PDXDC1: variants seen among roughly 807,000 people sequenced by gnomAD.
PDXDC1 encodes pyridoxal dependent decarboxylase domain containing 1.
Under a neutral mutation model 100.1 loss-of-function variants are expected in PDXDC1, and 42 were observed. The ratio of observed to expected loss-of-function variants is 0.42; its 90% CI spans 0.33 to 0.54. PDXDC1 has a LOEUF of 0.54. Among genes scored for constraint, PDXDC1 ranks in the 20% least tolerant of loss-of-function variants. The probability of loss-of-function intolerance (pLI) is 0.10; values close to 1 mark genes in which losing one functional copy is unlikely to be tolerated. For synonymous variants in PDXDC1, 260 were observed against 371.7 expected (o/e 0.70, Z 3.46); for missense variants, 636 against 979.2 (o/e 0.65, Z 4.68).
chr16:15,071,778 C>G (rs1470749079), intron 16 of PDXDC1, among the ~76,000 whole-genome samples: 1 of 152,080 alleles, frequency 6.6e-6, no homozygotes, highest in Admixed American at 6.6e-5. Context: ...AAAAAACAAA[C>G]AAACAAAAAA....
chr16:15,035,683 C>T, intron 22 of PDXDC1, 130 bp downstream of exon 22: 2 of 605,138 alleles, frequency 3.3e-6, no homozygotes, highest in Non-Finnish European at 5.8e-6. Flanking sequence ...ATCTCTTTAA[C>T]CATCTTGGTA....
chr16:15,001,630 A>G (rs550812227), intron 3 of PDXDC1, 146 bp from the exon 4 acceptor site: 4 of 529,164 alleles, frequency 7.6e-6, no homozygotes, highest in South Asian at 4.2e-5. Flanking sequence ...AAAAGCATAA[A>G]CTATATACCA....
At position 15,029,939 on chromosome 16, in the gene PDXDC1, T is replaced by G. The variant is rs1400959741; in HGVS notation, c.1294-12T>G. The G allele has an allele frequency of 6.4e-7, 1 of 1,550,564 alleles. No homozygotes were observed. The highest frequency in any genetic ancestry group is 1.4e-5 in the African/African-American group (1 of 73,038). Reference sequence around the variant, plus strand: ...TTGTTACAGGAGGGTGTTCATTGTGTCCTCCTCACAGCTGGGAGAACAGCT... The same window carrying G: ...TTGTTACAGGAGGGTGTTCATTGTGGCCTCCTCACAGCTGGGAGAACAGCT... On this transcript the variant is annotated splice_polypyrimidine_tract_variant and intron_variant, in intron 15 of 22. Transcript: ENST00000396410.
intron 16 of PDXDC1, among the ~76,000 whole-genome samples, chr16:15,122,800 C>A (rs1239834637): frequency 1.3e-5 from 1 of 77,120 alleles, no homozygotes; most frequent in Non-Finnish European, 2.5e-5. Flanking sequence ...GGGACGGGGA[C>A]TGGGCGGGAT....
intron 16 of PDXDC1, among the ~76,000 whole-genome samples, chr16:15,079,398 C>T (rs1296960589): frequency 4.6e-5 from 7 of 152,162 alleles, no homozygotes; most frequent in Non-Finnish European, 7.3e-5. Context: ...CCTTCCTGAC[C>T]CCACTGTGAT....
intron 16 of PDXDC1, among the ~76,000 whole-genome samples, chr16:15,088,006 C>A (rs1006315027): frequency 1.3e-5 from 2 of 151,888 alleles, no homozygotes; most frequent in Admixed American, 6.6e-5. Context: ...CCCAGCTACT[C>A]GGGAGGCTGA....
chr16:15,132,831 G>A (rs2048171266), intron 16 of PDXDC1: 17 of 1,551,238 alleles, frequency 1.1e-5, no homozygotes, highest in Middle Eastern at 4.6e-4. Context: ...CGGCGCTGCC[G>A]CTCGTGCTTG....
chr16:15,051,805 A>G (rs1435773581), intron 16 of PDXDC1, among the ~76,000 whole-genome samples: 2 of 150,436 alleles, frequency 1.3e-5, no homozygotes, highest in African/African-American at 2.5e-5. Context: ...GGCTCAAGCA[A>G]TCCTCCCACC....
intron 16 of PDXDC1, chr16:15,055,915 G>A (rs1597833258): frequency 3.2e-6 from 4 of 1,232,378 alleles, no homozygotes; most frequent in Non-Finnish European, 4.1e-6. Flanking sequence ...GGGCTCGGAC[G>A]AGGTCCCCGG....
chr16:15,043,924 G>A (rs2043938218), intron 16 of PDXDC1, among the ~76,000 whole-genome samples: 1 of 151,766 alleles, frequency 6.6e-6, no homozygotes, highest in Non-Finnish European at 1.5e-5. Context: ...CTCCAACTTG[G>A]GCAACAGAGC....
At chr16:15,079,515 T>C (rs1437622110) in intron 16 of PDXDC1, among the ~76,000 whole-genome samples, 1 of 152,158 alleles carries the variant, frequency 6.6e-6, no homozygotes, top group Non-Finnish European at 1.5e-5. Context: ...TCTCCAATCA[T>C]GAGAAGGAAC....
intron 6 of PDXDC1, among the ~76,000 whole-genome samples, chr16:15,006,874 C>T (rs1207094204): frequency 6.6e-6 from 1 of 152,298 alleles, no homozygotes. Flanking sequence ...ATTGTTAAAA[C>T]AGGAATATAT....
Position 15,033,326 on chromosome 16 carries a change from G to C in PDXDC1, c.1739G>C (p.Ser580Thr), listed in dbSNP as rs777429712. 6.2e-7 allele frequency: 1 copy of C among 1,614,176 alleles called. No homozygotes were observed. The highest frequency in any genetic ancestry group is 2.2e-5 in the East Asian group (1 of 44,890). ...AGCTGCCTTTATGTCGGCATGGCGA[G>C]CGACAACGTCGATGCTGCTGAGCTC... Reference protein sequence around the residue: ...MKSCLYVGMASDNVDAAELVE... With the variant: ...MKSCLYVGMATDNVDAAELVE... The change falls in exon 19 of 23, where the codon AGC becomes ACC. Residue 580 changes from serine to threonine, a missense_variant. By Grantham distance (58) the Ser-to-Thr change is moderately conservative. Coordinates refer to ENST00000396410, the MANE Select transcript of PDXDC1 (RefSeq NM_015027.4).
At chr16:15,076,646 T>A (rs1286714619) in intron 16 of PDXDC1, 4 of 1,602,740 alleles carry the variant, frequency 2.5e-6, no homozygotes, top group Non-Finnish European at 2.6e-6. Context: ...CCGGGATGCA[T>A]TCACCTATAA....
At chr16:15,128,071 G>A in intron 16 of PDXDC1, 4 of 1,609,204 alleles carry the variant, frequency 2.5e-6, no homozygotes, top group Admixed American at 3.3e-5. Flanking sequence ...CCAGGAAGAA[G>A]GTGCTGTGTG....
chr16:15,110,243 A>G (rs1461445569), intron 16 of PDXDC1, among the ~76,000 whole-genome samples: 1 of 148,990 alleles, frequency 6.7e-6, no homozygotes, highest in Non-Finnish European at 1.5e-5. Flanking sequence ...GAATGTAGGA[A>G]GGGAAAGGAA....
intron 1 of PDXDC1, among the ~76,000 whole-genome samples, chr16:14,979,089 G>A (rs1488526484): frequency 2.0e-5 from 3 of 152,284 alleles, no homozygotes; most frequent in Non-Finnish European, 4.4e-5. Flanking sequence ...TACAGTTCCG[G>A]TTTGGTCACC....
chr16:15,008,470 G>A (rs1248585343), intron 6 of PDXDC1, among the ~76,000 whole-genome samples: 6 of 152,290 alleles, frequency 3.9e-5, no homozygotes, highest in African/African-American at 7.2e-5. Flanking sequence ...AAATGCTCAC[G>A]ACCCAGTTGT....
intron 1 of PDXDC1, among the ~76,000 whole-genome samples, chr16:14,990,643 T>C (rs1156394037): frequency 1.3e-5 from 2 of 152,290 alleles, no homozygotes; most frequent in African/African-American, 2.4e-5. Flanking sequence ...TTGGAGTCAT[T>C]GTTCACATTT....
Sources: gnomAD v4.1 joint callset for allele counts (sites outside exome capture counted in the v4.1 genomes callset) on GRCh38, gnomAD v4.1.1 for gene constraint, MANE v1.5 for transcripts, NCBI Gene and HGNC (gene_info 2026-07-23, HGNC 2026-07-21) for gene names.